The following LYPLAL1 variants were observed in gnomAD, a reference collection of about 807,000 sequenced individuals.
The protein encoded by LYPLAL1 is lysophospholipase-like protein 1.
In LYPLAL1, 23 loss-of-function variants were observed where a neutral mutation model predicts 19.7. The ratio of observed to expected loss-of-function variants is 1.17; its 90% confidence interval spans 0.84 to 1.65. The LOEUF (loss-of-function observed/expected upper bound fraction) is 1.65. Ranked by LOEUF, LYPLAL1 falls within the 40% of genes most tolerant of loss-of-function variation. The pLI is 0.00. For synonymous variants in LYPLAL1, 119 were observed against 96.3 expected, an observed-to-expected ratio of 1.24 and a Z score of -1.38; for missense variants, 355 against 279.4, an observed-to-expected ratio of 1.27 and a Z score of -1.93.
chr1:219,300,235 C>T, the LYPLAL1 span, among the ~76,000 whole-genome samples: 305 of 152,240 alleles, frequency 2.0e-3, no homozygotes, highest in African/African-American at 6.7e-3. Context: ...CCTCCCACCT[C>T]GGCCTCCCAA....
the LYPLAL1 span, among the ~76,000 whole-genome samples, chr1:219,277,792 AT>A: frequency 9.6e-3 from 1,449 of 150,848 alleles, 27 homozygotes; most frequent in African/African-American, 0.032. Context: ...TGTCATTGTG[AT>A]TTTTTTTTTA....
At chr1:219,421,298 G>A in the LYPLAL1 span, among the ~76,000 whole-genome samples, 1 of 152,078 alleles carries the variant, frequency 6.6e-6, no homozygotes, top group Non-Finnish European at 1.5e-5. Context: ...CAATCCAGTG[G>A]CCCATCATGT....
At chr1:219,429,261 T>G in the LYPLAL1 span, among the ~76,000 whole-genome samples, 1 of 152,182 alleles carries the variant, frequency 6.6e-6, no homozygotes, top group Non-Finnish European at 1.5e-5. Flanking sequence ...CCACTAATTA[T>G]GGCATATGTG....
At chr1:219,327,339 A>G in the LYPLAL1 span, among the ~76,000 whole-genome samples, 1 of 152,144 alleles carries the variant, frequency 6.6e-6, no homozygotes, top group Non-Finnish European at 1.5e-5. Flanking sequence ...TACTGGCCCA[A>G]GCAGTCTGCA....
chr1:219,196,716 T>C (rs780340395), intron 3 of LYPLAL1, among the ~76,000 whole-genome samples: 1 of 152,190 alleles, frequency 6.6e-6, no homozygotes, highest in Non-Finnish European at 1.5e-5. Context: ...ACTGTGTCTA[T>C]TTGCAAATGA....
At chr1:219,368,205 A>G in the LYPLAL1 span, among the ~76,000 whole-genome samples, 1 of 152,206 alleles carries the variant, frequency 6.6e-6, no homozygotes, top group Non-Finnish European at 1.5e-5. Context: ...CTCAAGGACA[A>G]TACCAAGGAT....
the LYPLAL1 span, among the ~76,000 whole-genome samples, chr1:219,297,947 A>G: frequency 6.6e-6 from 1 of 152,196 alleles, no homozygotes; most frequent in Admixed American, 6.5e-5. Flanking sequence ...CATTTTATAG[A>G]TAGAGACTCA....
chr1:219,388,660 C>T, the LYPLAL1 span, among the ~76,000 whole-genome samples: 3 of 152,038 alleles, frequency 2.0e-5, no homozygotes, highest in Admixed American at 6.6e-5. Context: ...TCTACTACAC[C>T]GTTTGTCTCC....
the LYPLAL1 span, among the ~76,000 whole-genome samples, chr1:219,301,037 C>G: frequency 3.3e-5 from 5 of 149,746 alleles, no homozygotes; most frequent in Non-Finnish European, 7.4e-5. Flanking sequence ...GCCTGGACAA[C>G]ATAGCAAGAC....
At chr1:219,223,666 T>C in the LYPLAL1 span, among the ~76,000 whole-genome samples, 5 of 152,170 alleles carry the variant, frequency 3.3e-5, no homozygotes, top group African/African-American at 1.2e-4. Flanking sequence ...GAAGAAATCA[T>C]ATTTTGGGCA....
chr1:219,381,700 A>G, the LYPLAL1 span, among the ~76,000 whole-genome samples: 1 of 152,226 alleles, frequency 6.6e-6, no homozygotes, highest in South Asian at 2.1e-4. Flanking sequence ...AGAAGGACTA[A>G]GAAGATTTAT....
At chr1:219,207,158 G>GA (rs971266603) in intron 3 of LYPLAL1, among the ~76,000 whole-genome samples, 1 of 151,900 alleles carries the variant, frequency 6.6e-6, no homozygotes, top group African/African-American at 2.4e-5. Flanking sequence ...GAATTTCTCA[G>GA]AAAAAAATAA....
the LYPLAL1 span, among the ~76,000 whole-genome samples, chr1:219,433,991 T>A: frequency 7.9e-5 from 12 of 152,222 alleles, no homozygotes; most frequent in African/African-American, 2.9e-4. Flanking sequence ...GATGATTCAT[T>A]AACAAGTAAG....
chr1:219,418,386 A>G, the LYPLAL1 span, among the ~76,000 whole-genome samples: 20 of 152,198 alleles, frequency 1.3e-4, no homozygotes, highest in South Asian at 2.1e-4. Context: ...TCTAGGCCCA[A>G]TGAAAACTTG....
chr1:219,391,703 A>G, the LYPLAL1 span, among the ~76,000 whole-genome samples: 29 of 152,288 alleles, frequency 1.9e-4, no homozygotes, highest in African/African-American at 7.0e-4. Flanking sequence ...TTCAAGCTAT[A>G]TATTTTTAAA....
At chr1:219,379,451 A>G in the LYPLAL1 span, among the ~76,000 whole-genome samples, 1 of 152,198 alleles carries the variant, frequency 6.6e-6, no homozygotes, top group African/African-American at 2.4e-5. Context: ...GCAAGACTTC[A>G]AGCAGTTTTT....
chr1:219,339,249 G>C, the LYPLAL1 span, among the ~76,000 whole-genome samples: 1 of 151,956 alleles, frequency 6.6e-6, no homozygotes, highest in African/African-American at 2.4e-5. Context: ...CTGAGTCCCA[G>C]ATCCTCTTCC....
chr1:219,284,425 C>A, the LYPLAL1 span, among the ~76,000 whole-genome samples: 2 of 151,942 alleles, frequency 1.3e-5, no homozygotes. Flanking sequence ...TGATGGATAC[C>A]CCATTTGTCC....
the LYPLAL1 span, among the ~76,000 whole-genome samples, chr1:219,273,776 T>C: frequency 2.6e-5 from 4 of 152,188 alleles, no homozygotes; most frequent in African/African-American, 9.7e-5. Flanking sequence ...TTTTTATTTT[T>C]TGGAGATGGA....
Sources: gnomAD v4.1 joint callset for allele counts (sites outside exome capture counted in the v4.1 genomes callset) on GRCh38, gnomAD v4.1.1 for gene constraint, MANE v1.5 for transcripts, NCBI Gene and HGNC (gene_info 2026-07-23, HGNC 2026-07-21) for gene names.